SSBP2: variants seen among roughly 807,000 people sequenced by gnomAD.
SSBP2 encodes single-stranded DNA-binding protein 2.
In SSBP2, 17 loss-of-function variants were observed where a neutral mutation model predicts 61.8. That is an observed-to-expected ratio of 0.28 (90% CI 0.19 to 0.41). SSBP2 has a LOEUF of 0.41. SSBP2 is among the 10% of genes least tolerant of loss of function. SSBP2 has a pLI of 1.00. For missense variants in SSBP2, 310 were observed against 458.7 expected (o/e 0.68, Z 2.96); for synonymous variants, 139 against 141.3 (o/e 0.98, Z 0.12).
intron 1 of SSBP2, among the ~76,000 whole-genome samples, chr5:81,672,063 A>G (rs978247896): frequency 3.3e-5 from 5 of 152,160 alleles, no homozygotes; most frequent in African/African-American, 1.2e-4. Context: ...TCAATATGCA[A>G]AAGAAAGATT....
At chr5:81,522,492 T>C (rs1253076722) in intron 4 of SSBP2, among the ~76,000 whole-genome samples, 1 of 152,098 alleles carries the variant, frequency 6.6e-6, no homozygotes, top group Non-Finnish European at 1.5e-5. Context: ...GTTTTGTCAA[T>C]AGCTAGAAAA....
In SSBP2 at chr5:81,721,068, T is replaced by C. The variant is rs547883391; in HGVS notation, c.62+29913A>G. Among the ~76,000 whole-genome samples, 4 of 152,256 alleles carry C rather than the reference T, an allele frequency of 2.6e-5. No individual in the cohort carries two copies. The East Asian group carries it at 7.7e-4, about 29-fold the overall frequency. On this transcript the variant is annotated intron_variant, in intron 1 of 16. Coordinates refer to ENST00000320672, the MANE Select transcript of SSBP2 (RefSeq NM_012446.5). Reference sequence around the variant, plus strand: ...CTAAATGGAAATAAAGCCAAAGATATACAGATTTTCAGGGATTTTTATAAA... The same window carrying C: ...CTAAATGGAAATAAAGCCAAAGATACACAGATTTTCAGGGATTTTTATAAA...
At chr5:81,658,656 A>G (rs555758200) in intron 1 of SSBP2, among the ~76,000 whole-genome samples, 2 of 152,324 alleles carry the variant, frequency 1.3e-5, no homozygotes, top group East Asian at 1.9e-4. Context: ...GAGATTATAT[A>G]GTATTTGTCT....
rs552995237 is a variant in SSBP2, at chr5:81,419,192, C to A, written c.*1312G>T. 1.2e-4 allele frequency: 19 copies of A among 152,296 alleles called. No individual in the cohort carries two copies. The East Asian group carries it at 1.5e-3, about 12-fold the overall frequency. 9.4% of individuals were successfully genotyped at this position (152,296 alleles called of 1,614,324 possible). ...TTATTCTTTTTTGAACAGTCAGTTA[C>A]ACAATGTAGTTTTAGCCTGCTGAAG... On this transcript the variant is annotated 3_prime_UTR_variant, in exon 17 of 17. Transcript: ENST00000320672.
At chr5:81,645,778 C>T (rs1272001558) in intron 2 of SSBP2, among the ~76,000 whole-genome samples, 2 of 152,032 alleles carry the variant, frequency 1.3e-5, no homozygotes, top group African/African-American at 4.8e-5. Flanking sequence ...AAATAATATT[C>T]CATTTTTTCC....
rs1178030603 is a variant in SSBP2 at position 81,448,904 on chromosome 5, A to AT, written c.688-80dup. On this transcript the variant is annotated intron_variant, in intron 10 of 16. Coordinates refer to ENST00000320672, the MANE Select transcript of SSBP2 (RefSeq NM_012446.5). Reference sequence around the variant, plus strand: ...TGACCTAAAATGAATTTATTTCATGATTTTTTGTCAAGTTTTAAAATGTAT... The same window carrying AT: ...TGACCTAAAATGAATTTATTTCATGATTTTTTTGTCAAGTTTTAAAATGTAT... 14 of 1,171,378 alleles carry AT rather than the reference A, an allele frequency of 1.2e-5. No homozygotes were observed. The African/African-American group carries it at 1.4e-4, about 12-fold the overall frequency. The allele number at this position is 1,171,378 out of a possible 1,614,324, so 72.6% of individuals were successfully genotyped here. A position where few individuals can be genotyped will look rare whatever the true frequency, so the allele number is the denominator to read the frequency against.
At chr5:81,430,716 C>T (rs1762230087) in intron 15 of SSBP2, among the ~76,000 whole-genome samples, 1 of 91,764 alleles carries the variant, frequency 1.1e-5, no homozygotes, top group South Asian at 2.8e-4. Context: ...CAGCATTATA[C>T]TCTTCTGTGT....
intron 4 of SSBP2, among the ~76,000 whole-genome samples, chr5:81,514,780 A>T (rs576391128): frequency 6.6e-6 from 1 of 152,114 alleles, no homozygotes; most frequent in East Asian, 1.9e-4. Flanking sequence ...TAAATTGTTT[A>T]AAAAAACTAA....
intron 10 of SSBP2, among the ~76,000 whole-genome samples, chr5:81,457,903 C>T (rs528164213): frequency 5.2e-4 from 79 of 152,210 alleles, no homozygotes; most frequent in Non-Finnish European, 1.0e-3. Flanking sequence ...CTCACGTGAT[C>T]CACCTGCCTC....
chr5:81,622,923 T>C (rs965389930), intron 3 of SSBP2, among the ~76,000 whole-genome samples: 1 of 152,198 alleles, frequency 6.6e-6, no homozygotes, highest in Non-Finnish European at 1.5e-5. Flanking sequence ...TCTCAATTTC[T>C]ATAATAAGCA....
intron 4 of SSBP2, among the ~76,000 whole-genome samples, chr5:81,552,619 C>T (rs1183712362): frequency 3.1e-5 from 4 of 130,434 alleles, no homozygotes; most frequent in African/African-American, 8.8e-5. Context: ...GCCTGGGCAA[C>T]AGAGCAAGAC....
intron 1 of SSBP2, among the ~76,000 whole-genome samples, chr5:81,721,437 T>C (rs1275387920): frequency 6.6e-6 from 1 of 152,016 alleles, no homozygotes; most frequent in Non-Finnish European, 1.5e-5. Context: ...CATGAACCAG[T>C]TCACACACTA....
intron 6 of SSBP2, among the ~76,000 whole-genome samples, chr5:81,475,469 C>T (rs1765524958): frequency 6.6e-6 from 1 of 151,940 alleles, no homozygotes; most frequent in African/African-American, 2.4e-5. Flanking sequence ...TGTAGTTTTT[C>T]AAAATTTTTG....
At chr5:81,509,397 A>T (rs1456698709) in intron 5 of SSBP2, among the ~76,000 whole-genome samples, 1 of 152,168 alleles carries the variant, frequency 6.6e-6, no homozygotes, top group Non-Finnish European at 1.5e-5. Flanking sequence ...CTGGGGTGTG[A>T]ACTTGAATTA....
intron 4 of SSBP2, among the ~76,000 whole-genome samples, chr5:81,574,145 AAAAAC>A (rs886768929): frequency 7.9e-5 from 12 of 152,178 alleles, no homozygotes; most frequent in Non-Finnish European, 1.2e-4. Context: ...CATCTCTAAA[AAAAAC>A]AAAACAAAAC....
At chr5:81,578,388 C>T (rs967904358) in intron 4 of SSBP2, among the ~76,000 whole-genome samples, 11 of 151,886 alleles carry the variant, frequency 7.2e-5, no homozygotes, top group African/African-American at 2.4e-4. Context: ...AATGGCATTA[C>T]AAAAACCAGA....
intron 1 of SSBP2, among the ~76,000 whole-genome samples, chr5:81,683,127 C>T (rs1208821464): frequency 6.6e-6 from 1 of 152,106 alleles, no homozygotes; most frequent in African/African-American, 2.4e-5. Flanking sequence ...CAATCAAAAT[C>T]CCAGCAATTA....
intron 15 of SSBP2, among the ~76,000 whole-genome samples, chr5:81,433,176 G>C (rs1298157133): frequency 6.6e-6 from 1 of 152,076 alleles, no homozygotes; most frequent in African/African-American, 2.4e-5. Flanking sequence ...AGGGGGAAAG[G>C]TGGGGAAAAG....
At chr5:81,632,469 C>T (rs1391380456) in intron 3 of SSBP2, among the ~76,000 whole-genome samples, 1 of 152,146 alleles carries the variant, frequency 6.6e-6, no homozygotes, top group East Asian at 1.9e-4. Context: ...TGCATATATT[C>T]CAGATTGGCA....
Sources: allele counts gnomAD v4.1 joint callset (sites outside exome capture counted in the v4.1 genomes callset), GRCh38; gene constraint gnomAD v4.1.1; transcripts MANE v1.5; gene names NCBI Gene and HGNC (gene_info 2026-07-23, HGNC 2026-07-21).